Variants in FAM81A observed in about 807,000 individuals in gnomAD.
The protein encoded by FAM81A is protein FAM81A.
A neutral mutation model predicts 46.7 loss-of-function variants in FAM81A; 19 were observed. The ratio of observed to expected loss-of-function variants is 0.41; its 90% confidence interval spans 0.28 to 0.60. The LOEUF (loss-of-function observed/expected upper bound fraction) is 0.60, where lower values mean the gene tolerates loss of function less well. Among genes scored for constraint, FAM81A ranks in the 20% least tolerant of loss-of-function variants. FAM81A has a pLI of 0.34. For missense variants in FAM81A, 377 were observed against 453.5 expected, an observed-to-expected ratio of 0.83 and a Z score of 1.53; for synonymous variants, 183 against 152.9, an observed-to-expected ratio of 1.20 and a Z score of -1.45.
At chr15:59,462,213 A>C (rs1178036276) in intron 3 of FAM81A, among the ~76,000 whole-genome samples, 2 of 152,034 alleles carry the variant, frequency 1.3e-5, no homozygotes, top group Non-Finnish European at 2.9e-5. Flanking sequence ...AAAAAAAAAA[A>C]AAAAAAACAT....
intron 4 of FAM81A, among the ~76,000 whole-genome samples, chr15:59,499,092 C>G (rs919325927): frequency 6.6e-6 from 1 of 151,948 alleles, no homozygotes; most frequent in Non-Finnish European, 1.5e-5. Flanking sequence ...GCTTTTTTTC[C>G]ACCTATTGAG....
chr15:59,508,074 A>G (rs1371957347), intron 5 of FAM81A, among the ~76,000 whole-genome samples: 1 of 152,238 alleles, frequency 6.6e-6, no homozygotes, highest in African/African-American at 2.4e-5. Context: ...TGTGAAAAAT[A>G]CAGATATTAT....
intron 2 of FAM81A, among the ~76,000 whole-genome samples, chr15:59,432,359 C>A (rs1448811873): frequency 3.3e-5 from 5 of 152,168 alleles, no homozygotes; most frequent in Non-Finnish European, 7.3e-5. Context: ...TAATTTGCTC[C>A]CTCAAAATAA....
At chr15:59,491,172 T>A (rs1038457969) in intron 3 of FAM81A, among the ~76,000 whole-genome samples, 5 of 152,180 alleles carry the variant, frequency 3.3e-5, no homozygotes, top group Admixed American at 1.3e-4. Context: ...CAAGTGTCCA[T>A]CAACAGGCAA....
chr15:59,446,961 TTTG>T (rs1351958047), intron 1 of FAM81A, among the ~76,000 whole-genome samples: 1 of 152,248 alleles, frequency 6.6e-6, no homozygotes, highest in Non-Finnish European at 1.5e-5. Context: ...ATTTATGCTT[TTTG>T]TTGTTATTGT....
Position 59,400,280 on chromosome 15 carries a change from T to C in FAM81A, c.-160-1996T>C, listed in dbSNP as rs1367216093. On this transcript the variant is annotated intron_variant, in intron 1 of 4. Coordinates refer to the FAM81A transcript ENST00000558348. ...GTCAGGAGTCAGCCCAAGCATGGAC[T>C]CTCCCTCCCCGCCCACATCCAGCCA... is the stretch of plus-strand genomic sequence containing the variant. Among the ~76,000 whole-genome samples, 3 of 152,026 alleles carry C rather than the reference T, an allele frequency of 2.0e-5. No homozygotes were observed. The East Asian group carries it at 5.8e-4, about 29-fold the overall frequency.
At chr15:59,408,421 G>A (rs538452027) in intron 2 of FAM81A, among the ~76,000 whole-genome samples, 1 of 152,332 alleles carries the variant, frequency 6.6e-6, no homozygotes, top group South Asian at 2.1e-4. Context: ...ACAGCTGGGT[G>A]CAATGGCTCA....
intron 2 of FAM81A, among the ~76,000 whole-genome samples, chr15:59,414,161 C>A (rs1596461459): frequency 6.6e-6 from 1 of 152,246 alleles, no homozygotes; most frequent in Middle Eastern, 3.4e-3. Flanking sequence ...ACCATGTTGG[C>A]CAGGCTCATC....
intron 1 of FAM81A, among the ~76,000 whole-genome samples, chr15:59,441,392 C>T (rs536893930): frequency 1.3e-5 from 2 of 152,206 alleles, no homozygotes; most frequent in East Asian, 1.9e-4. Flanking sequence ...CTTAAGCACA[C>T]GAAGTGTGGC....
chr15:59,479,991 T>C (rs1033152914), intron 3 of FAM81A, among the ~76,000 whole-genome samples: 2 of 152,092 alleles, frequency 1.3e-5, no homozygotes, highest in African/African-American at 4.8e-5. Context: ...GGAGCAAGAA[T>C]TGAAGCAGGG....
At chr15:59,417,416 G>A (rs1335130559) in intron 2 of FAM81A, among the ~76,000 whole-genome samples, 3 of 151,036 alleles carry the variant, frequency 2.0e-5, no homozygotes, top group Non-Finnish European at 4.4e-5. Flanking sequence ...AAAAAAACAA[G>A]CTTTTCTGGC....
intron 3 of FAM81A, among the ~76,000 whole-genome samples, chr15:59,467,249 C>G (rs1364183240): frequency 6.6e-6 from 1 of 152,124 alleles, no homozygotes; most frequent in Non-Finnish European, 1.5e-5. Flanking sequence ...TGAAGAAAGT[C>G]ATTGGTAGCT....
In FAM81A at chr15:59,521,382, G is replaced by C; in HGVS notation, c.*4G>C. The C allele has an allele frequency of 6.2e-7, 1 of 1,604,216 alleles. No individual in the cohort carries two copies. The highest frequency in any genetic ancestry group is 8.5e-7 in the Non-Finnish European group (1 of 1,175,002). ...GAAGCCAGAGACCCCCATGTGAAGGGAGCTGGGACAAGGTCCTAAAAGACA... is the reference window on the plus strand; with the variant it reads ...GAAGCCAGAGACCCCCATGTGAAGGCAGCTGGGACAAGGTCCTAAAAGACA... On this transcript the variant is annotated 3_prime_UTR_variant, in exon 9 of 9. Transcript: ENST00000288228.
At chr15:59,473,606 C>T (rs1596502538) in intron 3 of FAM81A, among the ~76,000 whole-genome samples, 1 of 152,156 alleles carries the variant, frequency 6.6e-6, no homozygotes, top group South Asian at 2.1e-4. Flanking sequence ...GGGAACTCAG[C>T]TCTGTTCCCT....
At position 59,401,181 on chromosome 15, in the gene FAM81A, T is replaced by C. The variant is rs146745820; in HGVS notation, c.-160-1095T>C. 1,283 of 785,986 alleles carry C rather than the reference T, an allele frequency of 1.6e-3. 19 individuals carry two copies. The East Asian group carries it at 0.029, about 18-fold the overall frequency. The allele number at this position is 785,986 out of a possible 1,614,324, so 48.7% of individuals were successfully genotyped here. A position where few individuals can be genotyped will look rare whatever the true frequency, so the allele number is the denominator to read the frequency against. ...ATCACAGTAATGGCAGTTTTTTCAA[T>C]TGGTGCGTAGTCCTCAATAATTATA... On this transcript the variant is annotated intron_variant, in intron 1 of 4. Coordinates refer to the FAM81A transcript ENST00000558348.
chr15:59,499,297 C>T (rs1351151388), intron 4 of FAM81A, among the ~76,000 whole-genome samples: 3 of 152,134 alleles, frequency 2.0e-5, no homozygotes, highest in Non-Finnish European at 4.4e-5. Context: ...TCCTTACCCC[C>T]AATACAGCTT....
At chr15:59,451,429 C>G (rs1395316271) in intron 1 of FAM81A, among the ~76,000 whole-genome samples, 1 of 148,724 alleles carries the variant, frequency 6.7e-6, no homozygotes, top group African/African-American at 2.5e-5. Flanking sequence ...GCCCTGGATT[C>G]CTAGGTCCTT....
At chr15:59,483,662 G>A (rs1423731459) in intron 3 of FAM81A, among the ~76,000 whole-genome samples, 1 of 152,154 alleles carries the variant, frequency 6.6e-6, no homozygotes, top group African/African-American at 2.4e-5. Flanking sequence ...AGATACCCAG[G>A]AATGTAATCT....
At chr15:59,487,484 A>C (rs899328536) in intron 3 of FAM81A, among the ~76,000 whole-genome samples, 4 of 151,760 alleles carry the variant, frequency 2.6e-5, no homozygotes, top group Admixed American at 6.6e-5. Context: ...TGGGTTTTTG[A>C]AAAGATAAAC....
Sources: gnomAD v4.1 joint callset for allele counts (sites outside exome capture counted in the v4.1 genomes callset) on GRCh38, gnomAD v4.1.1 for gene constraint, MANE v1.5 for transcripts, NCBI Gene and HGNC (gene_info 2026-07-23, HGNC 2026-07-21) for gene names.